ZNF280A: variants seen among roughly 807,000 people sequenced by gnomAD.
The protein encoded by ZNF280A is zinc finger protein 280A, also known as suppressor of hairy wing homolog 1.
ZNF280A carries 26 observed loss-of-function variants against 35.9 expected under a neutral mutation model. The observed-to-expected ratio is 0.72, with a 90% CI of 0.53 to 1.01. The LOEUF is 1.01. ZNF280A is among the 50% of genes least tolerant of loss of function. ZNF280A has a pLI of 0.00. For synonymous variants in ZNF280A, 231 were observed against 232.9 expected (o/e 0.99, Z 0.07); for missense variants, 654 against 652.0 (o/e 1.00, Z -0.03).
intron 1 of ZNF280A, among the ~76,000 whole-genome samples, chr22:22,518,972 A>G (rs180955222): frequency 2.6e-4 from 40 of 151,798 alleles, no homozygotes; most frequent in African/African-American, 8.2e-4. Flanking sequence ...TCTTTGGGGC[A>G]TATGTTCCAA....
chr22:22,514,175 A>T lies in ZNF280A; in HGVS notation c.1456T>A (p.Leu486Met). Residue 486 changes from leucine (L) to methionine (M), a missense_variant, in exon 2 of 2, where the codon TTG (leucine) becomes ATG (methionine). Transcript: ENST00000302097. ...TFKKPEQLQG[L>M]PSETKVIIQT... Reference sequence around the variant, plus strand: ...ATAATAACTTTTGTTTCACTAGGCAACCCTTGCAGTTGCTCCGGCTTTTTA... The same window carrying T: ...ATAATAACTTTTGTTTCACTAGGCATCCCTTGCAGTTGCTCCGGCTTTTTA... 1.2e-6 allele frequency: 2 copies of T among 1,613,746 alleles called. No homozygotes were observed. The highest frequency in any genetic ancestry group is 2.2e-5 in the South Asian group (2 of 91,040).
Position 22,515,648 on chromosome 22 carries a change from C to T in ZNF280A, c.-18G>A, listed in dbSNP as rs1050413580. ...TCTCCCATTTTCAATTTACTTTTTG[C>T]TTGAAGCCACTGGTCTCTTCAACTT... On this transcript the variant is annotated 5_prime_UTR_variant, in exon 2 of 2. Coordinates refer to ENST00000302097, the MANE Select transcript of ZNF280A (RefSeq NM_080740.5). 1.9e-6 allele frequency: 3 copies of T among 1,557,072 alleles called. No individual in the cohort carries two copies. The South Asian group carries it at 3.8e-5, about 20-fold the overall frequency.
intron 1 of ZNF280A, among the ~76,000 whole-genome samples, chr22:22,519,687 C>T (rs2062117471): frequency 6.6e-6 from 1 of 151,872 alleles, no homozygotes; most frequent in South Asian, 2.1e-4. Flanking sequence ...GTTAATTGAA[C>T]ACAAGCACTG....
Position 22,515,119 on chromosome 22 carries a change from GA to G in ZNF280A, c.511del (p.Ser171GlnfsTer3). On this transcript the variant is annotated frameshift_variant, in exon 2 of 2. Coordinates refer to ENST00000302097, the MANE Select transcript of ZNF280A (RefSeq NM_080740.5). LOFTEE classifies it high-confidence loss of function. ...TTTGGAATCTCTGCTGTTTATATCT[GA>G]AGTGGAAAGTCGCTTTGAATCAGGA... ...SSPDSKRLST[S>X]DINSRDSKRV... 3 of 1,613,914 alleles carry G rather than the reference GA, an allele frequency of 1.9e-6. No homozygotes were observed. The highest frequency in any genetic ancestry group is 2.5e-6 in the Non-Finnish European group (3 of 1,179,974).
chr22:22,517,585 C>CTT (rs2062086845), intron 1 of ZNF280A, among the ~76,000 whole-genome samples: 1 of 151,782 alleles, frequency 6.6e-6, no homozygotes, highest in Non-Finnish European at 1.5e-5. Context: ...TTCACCTTAC[C>CTT]ACAAGGGATA....
rs1257989917 is a variant in ZNF280A at position 22,515,525 on chromosome 22, C to T, written c.106G>A (p.Gly36Arg). ...DDEDPDLIYV[G>R]VEHVHRDAEV... ...GCATCTCTATGTACATGCTCCACCC[C>T]AACATAGATCAGATCTGGATCTTCA... The change falls in exon 2 of 2, where the codon GGG becomes AGG. Residue 36 changes from glycine (G) to arginine (R), a missense_variant. By Grantham distance (125) the Gly-to-Arg change is moderately radical (BLOSUM62 -2). Coordinates refer to ENST00000302097, the MANE Select transcript of ZNF280A (RefSeq NM_080740.5). 6.2e-7 allele frequency: 1 copy of T among 1,613,842 alleles called. No individual in the cohort carries two copies. Among genetic ancestry groups the T allele is most frequent in the South Asian group, 1.1e-5 (1 of 91,064 alleles).
chr22:22,518,769 CAG>C (rs950943434), intron 1 of ZNF280A, among the ~76,000 whole-genome samples: 15 of 132,810 alleles, frequency 1.1e-4, no homozygotes, highest in Admixed American at 3.1e-4. Context: ...GCCTGGGTGA[CAG>C]AGTGAGACTG....
chr22:22,514,944 A>G lies in ZNF280A; in HGVS notation c.687T>C (p.Pro229=). 9 of 1,613,932 alleles carry G rather than the reference A, an allele frequency of 5.6e-6. No individual in the cohort carries two copies. The highest frequency in any genetic ancestry group is 7.6e-6 in the Non-Finnish European group (9 of 1,179,986). ...TGAAATGTGCCTTTCCATTAGCATC[A>G]GGCCAAGGAAATGTTACTCCATTCT... ...HVQNGVTFPW[P]DANGKAHFNL... The change falls in exon 2 of 2, where the codon CCT becomes CCC. Residue 229 remains proline (P), a synonymous_variant. Coordinates refer to ENST00000302097, the MANE Select transcript of ZNF280A (RefSeq NM_080740.5).
chr22:22,519,474 G>T (rs2062114494), intron 1 of ZNF280A, among the ~76,000 whole-genome samples: 1 of 151,896 alleles, frequency 6.6e-6, no homozygotes, highest in African/African-American at 2.4e-5. Flanking sequence ...GTATGTGAAT[G>T]CAATCTCTCG....
rs112018562 is a variant in ZNF280A, at chr22:22,518,427, G to GT, written c.-72+1661dup. 2.4e-4 allele frequency among the ~76,000 whole-genome samples: 37 copies of GT among 151,736 alleles called. 1 individual carries two copies. Among genetic ancestry groups the GT allele is most frequent in the African/African-American group, 8.5e-4 (35 of 41,304 alleles). On this transcript the variant is annotated intron_variant, in intron 1 of 1. Transcript: ENST00000302097. ...ATGTTTCTTACATTTTTAAGGTATT[G>GT]TTTTCTTACTTTTTTTTTATTAAGA...
chr22:22,515,873 T>C (rs1601757237), intron 1 of ZNF280A, among the ~76,000 whole-genome samples, 172 bp from the exon 2 acceptor site: 1 of 151,876 alleles, frequency 6.6e-6, no homozygotes, highest in Admixed American at 6.6e-5. Context: ...TACCTGTCTC[T>C]CCTCCCCTGG....
intron 1 of ZNF280A, among the ~76,000 whole-genome samples, chr22:22,517,205 G>A (rs1346188234): frequency 3.3e-5 from 5 of 151,768 alleles, no homozygotes; most frequent in Non-Finnish European, 7.4e-5. Context: ...TCAGGAGCTC[G>A]AGACCAGCCT....
rs774216068 is a variant in ZNF280A at position 22,514,109 on chromosome 22, C to T, written c.1522G>A (p.Val508Ile). The T allele has an allele frequency of 1.2e-5, 19 of 1,613,792 alleles. No individual in the cohort carries two copies. The highest frequency in any genetic ancestry group is 2.2e-5 in the East Asian group (1 of 44,820). ...TGAGGGTCAGTGTTGCTAACAATAA[C>T]GGAAGCCATACCACTTGATCCTGGC... The part of the protein sequence containing the change: ...VQPGSSGMAS[V>I]IVSNTDPQSS... Residue 508 changes from valine (V) to isoleucine (I), a missense_variant, in exon 2 of 2, where the codon GTT (valine) becomes ATT (isoleucine). By Grantham distance (29) the Val-to-Ile change is conservative. Coordinates refer to ENST00000302097, the MANE Select transcript of ZNF280A (RefSeq NM_080740.5).
rs200215124 is a variant in ZNF280A at position 22,515,360 on chromosome 22, T to A, written c.271A>T (p.Asn91Tyr). The change falls in exon 2 of 2, where the codon AAT becomes TAT. Residue 91 changes from asparagine (N) to tyrosine (Y), a missense_variant. Transcript: ENST00000302097. ...QYPAHVSQPA[N>Y]HVTSMAKAIM... Reference sequence around the variant, plus strand: ...GCTTTTGCCATAGAGGTCACATGATTTGCAGGCTGCGACACGTGAGCAGGA... The same window carrying A: ...GCTTTTGCCATAGAGGTCACATGATATGCAGGCTGCGACACGTGAGCAGGA... 6.2e-7 allele frequency: 1 copy of A among 1,613,788 alleles called. No individual in the cohort carries two copies. The highest frequency in any genetic ancestry group is 8.5e-7 in the Non-Finnish European group (1 of 1,179,978).
chr22:22,514,551 C>T lies in ZNF280A; in HGVS notation c.1080G>A (p.Met360Ile). ...QCHIDSVHIAMGPSAVCKICE... is the reference protein window; with the variant it reads ...QCHIDSVHIAIGPSAVCKICE... ...AGATTTTACAGACAGCAGAGGGCCC[C>T]ATGGCGATGTGTACACTATCAATGT... Residue 360 changes from methionine to isoleucine, a missense_variant, in exon 2 of 2, where the codon ATG becomes ATA. By Grantham distance (10) the Met-to-Ile change is conservative. Coordinates refer to ENST00000302097, the MANE Select transcript of ZNF280A (RefSeq NM_080740.5). The T allele has an allele frequency of 6.2e-7, 1 of 1,613,934 alleles. No homozygotes were observed. Among genetic ancestry groups the T allele is most frequent in the Non-Finnish European group, 8.5e-7 (1 of 1,179,992 alleles).
In ZNF280A at chr22:22,515,611, CA is replaced by C; in HGVS notation, c.19del (p.Cys7ValfsTer11). 1.3e-6 allele frequency: 2 copies of C among 1,592,186 alleles called. No individual in the cohort carries two copies. Among genetic ancestry groups the C allele is most frequent in the South Asian group, 2.3e-5 (2 of 86,848 alleles). On this transcript the variant is annotated frameshift_variant, in exon 2 of 2. Transcript: ENST00000302097. LOFTEE classifies it high-confidence loss of function. MGDIFL[C>X]KKVESPKKNL... Reference sequence around the variant, plus strand: ...CTTCTTTGGTGATTCCACTTTCTTACACAAAAAGATATCTCCCATTTTCAAT... The same window carrying C: ...CTTCTTTGGTGATTCCACTTTCTTACCAAAAAGATATCTCCCATTTTCAAT...
chr22:22,514,952 G>C lies in ZNF280A; in HGVS notation c.679C>G (p.Pro227Ala). Residue 227 changes from proline (P) to alanine (A), a missense_variant, in exon 2 of 2, where the codon CCT (proline) becomes GCT (alanine). By Grantham distance (27) the Pro-to-Ala change is conservative. Transcript: ENST00000302097. Reference protein sequence around the residue: ...SNHVQNGVTFPWPDANGKAHF... With the variant: ...SNHVQNGVTFAWPDANGKAHF... ...GCCTTTCCATTAGCATCAGGCCAAGGAAATGTTACTCCATTCTGAACATGG... is the reference window on the plus strand; with the variant it reads ...GCCTTTCCATTAGCATCAGGCCAAGCAAATGTTACTCCATTCTGAACATGG... The C allele has an allele frequency of 6.2e-7, 1 of 1,613,888 alleles. No homozygotes were observed. The highest frequency in any genetic ancestry group is 8.5e-7 in the Non-Finnish European group (1 of 1,179,974).
chr22:22,519,781 G>A (rs577778760), intron 1 of ZNF280A, among the ~76,000 whole-genome samples: 1 of 152,012 alleles, frequency 6.6e-6, no homozygotes, highest in East Asian at 2.0e-4. Flanking sequence ...CCAACAGCAT[G>A]GGGACTCAGG....
chr22:22,515,437 C>T lies in ZNF280A; in HGVS notation c.194G>A (p.Arg65Lys). Residue 65 changes from arginine to lysine, a missense_variant, in exon 2 of 2, where the codon AGA (arginine) becomes AAA (lysine). Arg to Lys is a conservative substitution (Grantham distance 26). Transcript: ENST00000302097. ...TCTTGAATTTGAGCCTGGGGTGACT[C>T]TGTTCAAAATGTTTGAAACGACTGG... Reference protein sequence around the residue: ...SKPVVSNILNRVTPGSNSRRK... With the variant: ...SKPVVSNILNKVTPGSNSRRK... 1 of 1,613,816 alleles carries T rather than the reference C, an allele frequency of 6.2e-7. No individual in the cohort carries two copies. The highest frequency in any genetic ancestry group is 8.5e-7 in the Non-Finnish European group (1 of 1,179,956).
Sources: gnomAD v4.1 joint callset for allele counts (sites outside exome capture counted in the v4.1 genomes callset) on GRCh38, gnomAD v4.1.1 for gene constraint, MANE v1.5 for transcripts, NCBI Gene and HGNC (gene_info 2026-07-23, HGNC 2026-07-21) for gene names.